Variants in AIG1 observed in about 807,000 individuals in gnomAD.
AIG1 encodes the protein androgen induced 1, also known as androgen-induced gene 1 protein.
Under a neutral mutation model 31.4 loss-of-function variants are expected in AIG1, and 23 were observed. The observed-to-expected ratio is 0.73, with a 90% CI of 0.53 to 1.04. The LOEUF is 1.04. Ranked by LOEUF, AIG1 falls within the 50% of genes least tolerant of loss-of-function variation. The pLI, the probability that AIG1 is intolerant of heterozygous loss-of-function variation, is 0.00. For missense variants in AIG1, 274 were observed against 295.0 expected (o/e 0.93, Z 0.52); for synonymous variants, 100 against 110.5 (o/e 0.90, Z 0.60).
At chr6:143,235,240 A>G (rs887026504) in intron 3 of AIG1, among the ~76,000 whole-genome samples, 4 of 152,168 alleles carry the variant, frequency 2.6e-5, no homozygotes, top group South Asian at 2.1e-4. Context: ...ATCAAATGAG[A>G]TGCTTTGAGG....
chr6:143,290,838 G>C (rs1798014960), intron 4 of AIG1, among the ~76,000 whole-genome samples: 1 of 152,130 alleles, frequency 6.6e-6, no homozygotes, highest in Non-Finnish European at 1.5e-5. Context: ...ATTCTGAAGA[G>C]AGCTACCTTT....
intron 1 of AIG1, among the ~76,000 whole-genome samples, chr6:143,100,523 T>C (rs6937139): frequency 0.014 from 2,114 of 152,320 alleles, 48 homozygotes; most frequent in African/African-American, 0.048. Flanking sequence ...ATAGGAGTCA[T>C]TTTTATGAAA....
intron 1 of AIG1, among the ~76,000 whole-genome samples, chr6:143,070,930 G>T (rs958363845): frequency 6.6e-6 from 1 of 152,214 alleles, no homozygotes; most frequent in African/African-American, 2.4e-5. Context: ...AATACAGAGA[G>T]ATACTGTGTA....
chr6:143,157,886 A>G lies in AIG1; in HGVS notation c.298-7196A>G, dbSNP rs1437526721. 3.3e-5 allele frequency among the ~76,000 whole-genome samples: 5 copies of G among 151,998 alleles called. 1 individual carries two copies. The South Asian group carries it at 6.2e-4, about 19-fold the overall frequency. On this transcript the variant is annotated intron_variant, in intron 2 of 5. Coordinates refer to ENST00000357847, the MANE Select transcript of AIG1 (RefSeq NM_016108.4). ...TATTCCTCTCTATGTTTTTTGTGTT[A>G]TCTATGACTACATTCCATACTGTTT...
rs1242147528 is a variant in AIG1, at chr6:143,258,297, A to G, written c.400-25813A>G. Among the ~76,000 whole-genome samples, 2 of 152,224 alleles carry G rather than the reference A, an allele frequency of 1.3e-5. No homozygotes were observed. The highest frequency in any genetic ancestry group is 1.9e-4 in the East Asian group (1 of 5,198). ...TGGCTGAACAAATTCAAATGAGCTC[A>G]TGTTCATTCAGCCTCTTCATGAATT... On this transcript the variant is annotated intron_variant, in intron 3 of 5. Transcript: ENST00000357847. This position sits in a 1 kb window ranked among gnomAD's most constrained non-coding sequence, Gnocchi z 4.7.
intron 3 of AIG1, chr6:143,187,721 A>G (rs1789398755): frequency 2.6e-6 from 4 of 1,535,918 alleles, no homozygotes; most frequent in African/African-American, 1.4e-5. Flanking sequence ...TGCTCCAGCA[A>G]TGACTAAAGG....
chr6:143,271,467 T>C (rs1434679779), intron 3 of AIG1, among the ~76,000 whole-genome samples: 1 of 152,232 alleles, frequency 6.6e-6, no homozygotes, highest in Non-Finnish European at 1.5e-5. Flanking sequence ...TGTCTCCATG[T>C]CAAACATAAT....
In AIG1 at chr6:143,318,187, C is replaced by T. The variant is rs568073059; in HGVS notation, c.516-15095C>T. Among the ~76,000 whole-genome samples, 34 of 151,892 alleles carry T rather than the reference C, an allele frequency of 2.2e-4. No individual in the cohort carries two copies. The South Asian group carries it at 4.2e-3, about 19-fold the overall frequency. On this transcript the variant is annotated intron_variant, in intron 4 of 5. Coordinates refer to ENST00000357847, the MANE Select transcript of AIG1 (RefSeq NM_016108.4). ...GAAACCAAAAAAATGCAAGACTAAGCGAAAAGAACAAATCTGGAGGCATCA... is the reference window on the plus strand; with the variant it reads ...GAAACCAAAAAAATGCAAGACTAAGTGAAAAGAACAAATCTGGAGGCATCA...
At chr6:143,312,589 C>A (rs1434002874) in intron 4 of AIG1, among the ~76,000 whole-genome samples, 1 of 151,946 alleles carries the variant, frequency 6.6e-6, no homozygotes, top group Non-Finnish European at 1.5e-5. Context: ...AATCTAATAC[C>A]TCAAACTATG....
intron 4 of AIG1, among the ~76,000 whole-genome samples, chr6:143,308,470 G>T (rs1322987131): frequency 6.6e-6 from 1 of 152,186 alleles, no homozygotes; most frequent in Non-Finnish European, 1.5e-5. Flanking sequence ...ACCTGGGCTT[G>T]CTCATTGTCT....
chr6:143,300,035 C>G (rs1798714093), intron 4 of AIG1, among the ~76,000 whole-genome samples: 1 of 152,192 alleles, frequency 6.6e-6, no homozygotes, highest in Non-Finnish European at 1.5e-5. Context: ...CTGTGACATT[C>G]ACCAGATGAG....
chr6:143,257,482 A>C (rs1256777753), intron 3 of AIG1, among the ~76,000 whole-genome samples: 3 of 152,230 alleles, frequency 2.0e-5, no homozygotes, highest in African/African-American at 2.4e-5. Flanking sequence ...GGAAATACAC[A>C]GTGAATTTTT....
intron 3 of AIG1, among the ~76,000 whole-genome samples, chr6:143,231,494 C>T (rs1357999102): frequency 6.6e-6 from 1 of 152,044 alleles, no homozygotes; most frequent in Non-Finnish European, 1.5e-5. Flanking sequence ...ATCTCGTGAA[C>T]AGAGTGAAAA....
chr6:143,214,842 T>C (rs1791892716), intron 3 of AIG1, among the ~76,000 whole-genome samples: 1 of 152,198 alleles, frequency 6.6e-6, no homozygotes, highest in Admixed American at 6.5e-5. Context: ...CTCCCTCATA[T>C]TGGAATAGCT....
intron 3 of AIG1, among the ~76,000 whole-genome samples, chr6:143,245,411 C>A (rs1470607178): frequency 6.6e-6 from 1 of 152,050 alleles, no homozygotes; most frequent in East Asian, 1.9e-4. Flanking sequence ...TTGATTTTTT[C>A]CCCTGAGGCT....
At chr6:143,125,606 T>C (rs991692630) in intron 1 of AIG1, among the ~76,000 whole-genome samples, 2 of 152,218 alleles carry the variant, frequency 1.3e-5, no homozygotes, top group Admixed American at 1.3e-4. Context: ...TTTTCTATCA[T>C]AATTTGCAGA....
chr6:143,275,054 C>T (rs1230278936), intron 3 of AIG1, among the ~76,000 whole-genome samples: 2 of 152,186 alleles, frequency 1.3e-5, no homozygotes, highest in African/African-American at 4.8e-5. Context: ...GTTTACCTGT[C>T]AAATTGACAT....
intron 1 of AIG1, among the ~76,000 whole-genome samples, chr6:143,104,631 G>A (rs992827955): frequency 6.6e-6 from 1 of 152,042 alleles, no homozygotes; most frequent in Non-Finnish European, 1.5e-5. Flanking sequence ...TGAGTGTAGG[G>A]CTTATGGCTA....
chr6:143,130,841 A>G (rs1562407042), intron 1 of AIG1, among the ~76,000 whole-genome samples: 1 of 152,142 alleles, frequency 6.6e-6, no homozygotes, highest in Non-Finnish European at 1.5e-5. Context: ...CTTGGTACCC[A>G]TTAGTTATTA....
Sources: allele counts gnomAD v4.1 joint callset (sites outside exome capture counted in the v4.1 genomes callset), GRCh38; gene constraint gnomAD v4.1.1; non-coding constraint Gnocchi (gnomAD v3.1); transcripts MANE v1.5; gene names NCBI Gene and HGNC (gene_info 2026-07-23, HGNC 2026-07-21).